The following ABCC11 variants were observed in gnomAD, a reference collection of about 807,000 sequenced individuals.
ABCC11 encodes ATP binding cassette subfamily C member 11.
Under a neutral mutation model 149.3 loss-of-function variants are expected in ABCC11, and 135 were observed. The ratio of observed to expected loss-of-function variants is 0.90; its 90% CI spans 0.79 to 1.04. ABCC11 has a LOEUF of 1.04. Ranked by LOEUF, ABCC11 falls within the 50% of genes least tolerant of loss-of-function variation. The probability of loss-of-function intolerance (pLI) is 0.00; values close to 1 mark genes in which losing one functional copy is unlikely to be tolerated. For synonymous variants in ABCC11, 665 were observed against 671.4 expected (o/e 0.99, Z 0.15); for missense variants, 1,680 against 1,722.1 (o/e 0.98, Z 0.43).
At chr16:48,228,551 A>G (rs112037239) in intron 3 of ABCC11, among the ~76,000 whole-genome samples, 19,829 of 151,970 alleles carry the variant, frequency 0.13, 1,617 homozygotes, top group African/African-American at 0.23. Flanking sequence ...AGCCGAGATC[A>G]CGCCACTACC....
At chr16:48,225,656 G>C (rs1026341253) in intron 4 of ABCC11, among the ~76,000 whole-genome samples, 1 of 152,166 alleles carries the variant, frequency 6.6e-6, no homozygotes, top group African/African-American at 2.4e-5. Flanking sequence ...CCTCACATCA[G>C]GAACCACATG....
chr16:48,230,946 TTA>T (rs763219957), intron 2 of ABCC11, among the ~76,000 whole-genome samples: 2 of 152,148 alleles, frequency 1.3e-5, no homozygotes, highest in Non-Finnish European at 1.5e-5. Flanking sequence ...TCCTAAAATA[TTA>T]TATGTTTCCC....
At chr16:48,244,299 C>T in intron 1 of ABCC11, 1 of 918,232 alleles carries the variant, frequency 1.1e-6, no homozygotes, top group Non-Finnish European at 1.5e-6. Flanking sequence ...GGCGTGGAGG[C>T]GGGTCTGAGG....
chr16:48,227,300 C>T (rs1970134893), intron 4 of ABCC11, among the ~76,000 whole-genome samples: 1 of 151,866 alleles, frequency 6.6e-6, no homozygotes. Context: ...ATAGTGAAAC[C>T]CCATCTCTAC....
At chr16:48,175,156 G>T in intron 26 of ABCC11, 102 bp downstream of exon 26, 1 of 1,444,920 alleles carries the variant, frequency 6.9e-7, no homozygotes, top group Non-Finnish European at 9.3e-7. Flanking sequence ...AGGAGGCCTG[G>T]AAATCGGGGC....
intron 1 of ABCC11, among the ~76,000 whole-genome samples, chr16:48,243,612 G>C (rs545962446): frequency 6.6e-6 from 1 of 152,258 alleles, no homozygotes; most frequent in South Asian, 2.1e-4. Context: ...TCCTGGTTTT[G>C]ATCATTGAAC....
Position 48,176,872 on chromosome 16 carries a change from C to T in ABCC11, c.3538+52G>A, listed in dbSNP as rs930604849. 7.6e-6 allele frequency: 12 copies of T among 1,579,830 alleles called. No individual in the cohort carries two copies. The African/African-American group carries it at 1.6e-4, about 21-fold the overall frequency. On this transcript the variant is annotated intron_variant, in intron 25 of 29. Transcript: ENST00000356608. Reference sequence around the variant, plus strand: ...CACATGCCCCTAAATAGGTCTAGTGCCCAAAGGGCAAAGGAGGAGCTGGGG... The same window carrying T: ...CACATGCCCCTAAATAGGTCTAGTGTCCAAAGGGCAAAGGAGGAGCTGGGG...
rs777911504 is a variant in ABCC11 at position 48,193,964 on chromosome 16, ATGCAAGAGACCATG to A, written c.2409_2422del (p.Met804AsnfsTer31). The A allele has an allele frequency of 1.2e-6, 2 of 1,613,250 alleles. No individual in the cohort carries two copies. The highest frequency in any genetic ancestry group is 2.2e-5 in the South Asian group (2 of 91,034). ...GATCAGCACCACGAAGAAGAAAATT[ATGCAAGAGACCATG>A]TAACCTGGGAGGGAGACAGTGGTGA... is the stretch of plus-strand genomic sequence containing the variant. On this transcript the variant is annotated frameshift_variant, in exon 19 of 30. Transcript: ENST00000356608. LOFTEE classifies it high-confidence loss of function.
At chr16:48,217,992 A>G (rs944643047) in intron 6 of ABCC11, among the ~76,000 whole-genome samples, 3 of 152,160 alleles carry the variant, frequency 2.0e-5, no homozygotes, top group Admixed American at 1.3e-4. Flanking sequence ...GTTGGTGGAA[A>G]AGGATTTAAA....
chr16:48,211,604 G>A (rs2150862556), intron 10 of ABCC11, among the ~76,000 whole-genome samples: 1 of 152,182 alleles, frequency 6.6e-6, no homozygotes, highest in Admixed American at 6.5e-5. Context: ...TAGCACTTTG[G>A]GAGGCCAAGT....
At chr16:48,221,398 T>C (rs1263133605) in intron 6 of ABCC11, among the ~76,000 whole-genome samples, 1 of 152,126 alleles carries the variant, frequency 6.6e-6, no homozygotes, top group Non-Finnish European at 1.5e-5. Context: ...AGGTCATAAG[T>C]TGGAGTTTCT....
intron 20 of ABCC11, among the ~76,000 whole-genome samples, chr16:48,191,648 TAC>T (rs1966933613): frequency 6.6e-6 from 1 of 152,256 alleles, no homozygotes; most frequent in Non-Finnish European, 1.5e-5. Flanking sequence ...TACGTGTGCA[TAC>T]ATGTGCATTT....
chr16:48,178,867 T>C (rs558252012), intron 23 of ABCC11, among the ~76,000 whole-genome samples, 181 bp from the exon 24 acceptor site: 8 of 152,286 alleles, frequency 5.3e-5, no homozygotes, highest in Non-Finnish European at 8.8e-5. Context: ...TGAGTTTAGC[T>C]GCAGCTGCGA....
In ABCC11 at chr16:48,178,684, C is replaced by T. The variant is rs1966243475; in HGVS notation, c.3261G>A (p.Leu1087=). The T allele has an allele frequency of 2.5e-6, 4 of 1,614,000 alleles. No individual in the cohort carries two copies. Among genetic ancestry groups the T allele is most frequent in the African/African-American group, 1.3e-5 (1 of 74,912 alleles). The change falls in exon 24 of 30, where the codon CTG becomes CTA. Residue 1087 remains leucine, a splice_region_variant and synonymous_variant. Transcript: ENST00000356608. Reference sequence around the variant, plus strand: ...GGGCAGTGGCCTGGAAGCTGGACGCCAGCTAGAAGGAAGGAGAAGTATCGG... The same window carrying T: ...GGGCAGTGGCCTGGAAGCTGGACGCTAGCTAGAAGGAAGGAGAAGTATCGG... ...KVMAVNIVLQ[L]ASSFQATARI...
chr16:48,241,839 C>T (rs1357036742), intron 1 of ABCC11, among the ~76,000 whole-genome samples: 3 of 152,118 alleles, frequency 2.0e-5, no homozygotes, highest in African/African-American at 7.2e-5. Context: ...ACTGGCTAGC[C>T]ATATGTAGAA....
chr16:48,238,824 C>G (rs1372471905), intron 1 of ABCC11, among the ~76,000 whole-genome samples: 1 of 148,886 alleles, frequency 6.7e-6, no homozygotes, highest in African/African-American at 2.5e-5. Context: ...GTAGTCCCAG[C>G]TACTTGGGAG....
intron 6 of ABCC11, among the ~76,000 whole-genome samples, chr16:48,220,622 A>G (rs1304228968): frequency 6.6e-6 from 1 of 152,220 alleles, no homozygotes; most frequent in African/African-American, 2.4e-5. Context: ...CTATGAGACA[A>G]CAATCCTATG....
chr16:48,187,908 A>T (rs953883350), intron 20 of ABCC11, among the ~76,000 whole-genome samples: 2 of 152,068 alleles, frequency 1.3e-5, no homozygotes, highest in African/African-American at 4.8e-5. Flanking sequence ...CAAATTGAGG[A>T]CTAGCTAAAA....
rs753457089 is a variant in ABCC11, at chr16:48,227,899, G to T, written c.302C>A (p.Thr101Asn). Residue 101 changes from threonine (T) to asparagine (N), a missense_variant, in exon 4 of 30, where the codon ACC becomes AAC. Thr to Asn is a moderately conservative substitution (Grantham distance 65, BLOSUM62 0). Coordinates refer to ENST00000356608, the MANE Select transcript of ABCC11 (RefSeq NM_001370497.1). ...CCGTAAGCTTTGGATCATGAGCGGG[G>T]TGAGCCATGACACGGTGAGGTAGGA... ...LFSYLTVSWL[T>N]PLMIQSLRSR... 5 of 1,614,102 alleles carry T rather than the reference G, an allele frequency of 3.1e-6. No individual in the cohort carries two copies. In the East Asian group the frequency reaches 6.7e-5, roughly 22 times the overall value.
Sources: allele counts gnomAD v4.1 joint callset (sites outside exome capture counted in the v4.1 genomes callset), GRCh38; gene constraint gnomAD v4.1.1; transcripts MANE v1.5; gene names NCBI Gene and HGNC (gene_info 2026-07-23, HGNC 2026-07-21).